Variants in TRPM8 observed in about 807,000 individuals in gnomAD.
TRPM8 encodes TRPM8 cationic channel.
In TRPM8, 110 loss-of-function variants were observed where a neutral mutation model predicts 133.7. The observed-to-expected ratio is 0.82, with a 90% CI of 0.70 to 0.96. The LOEUF is 0.96. Among genes scored for constraint, TRPM8 ranks in the 40% least tolerant of loss-of-function variants. The probability of loss-of-function intolerance (pLI) is 0.00; values close to 1 mark genes in which losing one functional copy is unlikely to be tolerated. For missense variants in TRPM8, 1,291 were observed against 1,379.5 expected, an observed-to-expected ratio of 0.94 and a Z score of 1.02; for synonymous variants, 535 against 532.3, an observed-to-expected ratio of 1.01 and a Z score of -0.07.
rs541961839 is a variant in TRPM8, at chr2:233,971,702, G to A, written c.2355+1276G>A. On this transcript the variant is annotated intron_variant, in intron 17 of 25. Coordinates refer to ENST00000324695, the MANE Select transcript of TRPM8 (RefSeq NM_024080.5). ...GGAGTTTCTTCCTTCTGGTGGGTTC[G>A]TGGTCTCGCTGGCTCAGGAGTGAAG... Among the ~76,000 whole-genome samples, 20 of 152,122 alleles carry A rather than the reference G, an allele frequency of 1.3e-4. 1 individual carries two copies. Among genetic ancestry groups the A allele is most frequent in the East Asian group, 3.9e-4 (2 of 5,180 alleles).
intron 17 of TRPM8, among the ~76,000 whole-genome samples, chr2:233,974,868 G>GCAGAGAGAGAGAGAGAGA (rs1380580191): frequency 3.3e-4 from 50 of 151,370 alleles, no homozygotes; most frequent in African/African-American, 9.1e-4. Context: ...GCACAAATTA[G>GCAGAGAGAGAGAGAGAGA]CAGAGAGAGA....
In TRPM8 at chr2:233,961,185, A is replaced by G. The variant is rs914815074; in HGVS notation, c.1653+119A>G. 12 of 1,022,564 alleles carry G rather than the reference A, an allele frequency of 1.2e-5. No homozygotes were observed. The African/African-American group carries it at 2.0e-4, about 17-fold the overall frequency. The allele number at this position is 1,022,564 out of a possible 1,614,324, so 63.3% of individuals were successfully genotyped here. Reference sequence around the variant, plus strand: ...CCATAAAATACTTAACACACTGACAATGTTAATTTTTTTAACTCCCTTTAT... The same window carrying G: ...CCATAAAATACTTAACACACTGACAGTGTTAATTTTTTTAACTCCCTTTAT... On this transcript the variant is annotated intron_variant, in intron 12 of 25. Transcript: ENST00000324695.
At chr2:233,936,288 T>C (rs1203285261) in intron 3 of TRPM8, among the ~76,000 whole-genome samples, 1 of 152,204 alleles carries the variant, frequency 6.6e-6, no homozygotes, top group Non-Finnish European at 1.5e-5. Context: ...TTTCGGTCAG[T>C]ATCTGTTGAA....
chr2:233,938,368 A>C (rs1574702277), intron 4 of TRPM8, among the ~76,000 whole-genome samples: 1 of 152,278 alleles, frequency 6.6e-6, no homozygotes, highest in East Asian at 1.9e-4. Context: ...TGAACCCTGA[A>C]TATCTGAGAC....
At chr2:233,944,903 CTA>C (rs1419052355) in intron 6 of TRPM8, among the ~76,000 whole-genome samples, 2 of 152,122 alleles carry the variant, frequency 1.3e-5, no homozygotes, top group Non-Finnish European at 2.9e-5. Context: ...GTAAGTACTA[CTA>C]TTCCCCCCTC....
At chr2:233,945,618 A>G (rs943807029) in intron 6 of TRPM8, among the ~76,000 whole-genome samples, 7 of 152,216 alleles carry the variant, frequency 4.6e-5, no homozygotes, top group Non-Finnish European at 1.0e-4. Flanking sequence ...TTACACTGTC[A>G]CTGGCCATTT....
intron 24 of TRPM8, among the ~76,000 whole-genome samples, chr2:234,011,665 TCCC>T (rs1439823536): frequency 6.6e-6 from 1 of 152,124 alleles, no homozygotes; most frequent in Non-Finnish European, 1.5e-5. Flanking sequence ...ATGCCTGTAA[TCCC>T]AGCACTTTGG....
At position 233,946,027 on chromosome 2, in the gene TRPM8, C is replaced by G. The variant is rs1691035509; in HGVS notation, c.871C>G (p.Gln291Glu). The change falls in exon 7 of 26, where the codon CAA (glutamine) becomes GAA (glutamate). Residue 291 changes from glutamine to glutamate, a missense_variant. Gln to Glu is a conservative substitution (Grantham distance 29). Around this residue, in one of 2 missense-constraint regions of TRPM8, gnomAD observed 963 missense variants for 968.9 expected, o/e 0.99. Coordinates refer to ENST00000324695, the MANE Select transcript of TRPM8 (RefSeq NM_024080.5). ...LEKYISERTI[Q>E]DSNYGGKIPI... ...GAAGTATATCTCTGAGCGCACTATT[C>G]AAGGTCAGTGGTTAGGAGGTAGGAC... The G allele has an allele frequency of 3.1e-6, 5 of 1,613,804 alleles. No individual in the cohort carries two copies. The Admixed American group carries it at 6.7e-5, about 22-fold the overall frequency.
Position 233,985,766 on chromosome 2 carries a change from A to T in TRPM8, c.2840A>T (p.Asn947Ile). ...CTGTGTGTGGAGCTGGATGAGCACA[A>T]CCTGCCCCGGTTCCCCGAGTGGATC... The part of the protein sequence containing the change: ...KPLCVELDEH[N>I]LPRFPEWITI... The change falls in exon 21 of 26, where the codon AAC becomes ATC. Residue 947 changes from asparagine to isoleucine, a missense_variant. Asn to Ile is a moderately radical substitution (Grantham distance 149). Around this residue, in one of 2 missense-constraint regions of TRPM8, gnomAD observed 328 missense variants for 410.6 expected, o/e 0.80. Coordinates refer to ENST00000324695, the MANE Select transcript of TRPM8 (RefSeq NM_024080.5). 1 of 1,614,138 alleles carries T rather than the reference A, an allele frequency of 6.2e-7. No individual in the cohort carries two copies. The highest frequency in any genetic ancestry group is 8.5e-7 in the Non-Finnish European group (1 of 1,180,012).
chr2:233,927,837 TTCCTTCCTTCCTTC>T lies in TRPM8; in HGVS notation c.117+1184_117+1197del, dbSNP rs1257803951. On this transcript the variant is annotated intron_variant, in intron 2 of 25. Coordinates refer to ENST00000324695, the MANE Select transcript of TRPM8 (RefSeq NM_024080.5). ...CTTCCTTCCTTCCTTCCTTCCTTCC[TTCCTTCCTTCCTTC>T]CTTTCTTTCTCTTTCTTTCTTTCTT... Among the ~76,000 whole-genome samples the T allele has an allele frequency of 5.9e-4, 51 of 86,476 alleles. 2 individuals are homozygous for T. The highest frequency in any genetic ancestry group is 4.3e-3 in the Middle Eastern group (1 of 230). 56.7% of individuals were successfully genotyped at this position (86,476 alleles called of 152,430 possible).
intron 2 of TRPM8, among the ~76,000 whole-genome samples, chr2:233,929,392 G>A (rs572917022): frequency 2.6e-5 from 4 of 152,324 alleles, no homozygotes; most frequent in Admixed American, 6.5e-5. Flanking sequence ...AAGGGAAGGG[G>A]GCACATTGTG....
chr2:233,938,156 C>A (rs1690807886), intron 4 of TRPM8, among the ~76,000 whole-genome samples: 1 of 152,232 alleles, frequency 6.6e-6, no homozygotes, highest in African/African-American at 2.4e-5. Context: ...TTGCTGCCCG[C>A]AGCTCTGCCC....
intron 3 of TRPM8, among the ~76,000 whole-genome samples, chr2:233,931,127 G>A (rs1691671803): frequency 6.6e-6 from 1 of 152,084 alleles, no homozygotes; most frequent in African/African-American, 2.4e-5. Flanking sequence ...TTTCTTCCCT[G>A]CTGTTGACTT....
chr2:234,003,708 T>C (rs995891180), intron 22 of TRPM8, among the ~76,000 whole-genome samples: 1 of 152,180 alleles, frequency 6.6e-6, no homozygotes, highest in African/African-American at 2.4e-5. Flanking sequence ...GTGAGGAAGA[T>C]TTTGATTCAG....
chr2:233,930,581 G>T (rs1645847541), intron 2 of TRPM8, 87 bp from the exon 3 acceptor site: 2 of 823,374 alleles, frequency 2.4e-6, no homozygotes, highest in Non-Finnish European at 3.8e-6. Flanking sequence ...CCTTTGAAGT[G>T]GGGTTACATC....
Position 233,930,221 on chromosome 2 carries a change from A to T in TRPM8, c.118-447A>T, listed in dbSNP as rs78662967. 6.2e-3 allele frequency among the ~76,000 whole-genome samples: 944 copies of T among 152,296 alleles called. 10 individuals carry two copies. Among genetic ancestry groups the T allele is most frequent in the African/African-American group, 0.022 (903 of 41,552 alleles). On this transcript the variant is annotated intron_variant, in intron 2 of 25. Transcript: ENST00000324695. ...GTTTTTTGTCAGAATTAGGTCCCAG[A>T]TGTGCCTAACTACCTCTCCCATGGA...
At chr2:233,936,660 G>A (rs1352338064) in intron 3 of TRPM8, among the ~76,000 whole-genome samples, 2 of 152,186 alleles carry the variant, frequency 1.3e-5, no homozygotes, top group East Asian at 1.9e-4. Context: ...TGGCAGGGTT[G>A]GTGCTGAGGC....
chr2:233,936,325 A>G (rs1256399441), intron 3 of TRPM8, among the ~76,000 whole-genome samples: 5 of 152,218 alleles, frequency 3.3e-5, no homozygotes, highest in Admixed American at 3.3e-4. Context: ...GCAAAGGCAC[A>G]AGGGAAGAGG....
chr2:233,931,459 C>A (rs947402753), intron 3 of TRPM8, among the ~76,000 whole-genome samples: 1 of 152,230 alleles, frequency 6.6e-6, no homozygotes, highest in African/African-American at 2.4e-5. Context: ...AATGAAAAGA[C>A]TCTCTGTTGA....
Sources: allele counts gnomAD v4.1 joint callset (sites outside exome capture counted in the v4.1 genomes callset), GRCh38; gene constraint gnomAD v4.1.1; regional missense constraint gnomAD v4.1.1; transcripts MANE v1.5; gene names NCBI Gene and HGNC (gene_info 2026-07-23, HGNC 2026-07-21).